Variants in ATF6 observed in about 807,000 individuals in gnomAD.
The protein encoded by ATF6 is activating transcription factor 6.
ATF6 carries 53 observed loss-of-function variants against 83.6 expected under a neutral mutation model. That is an observed-to-expected ratio of 0.63 (90% CI 0.51 to 0.80). ATF6 has a LOEUF of 0.80. ATF6 is among the 30% of genes least tolerant of loss of function. The pLI, the probability that ATF6 is intolerant of heterozygous loss-of-function variation, is 0.00. For missense variants in ATF6, 744 were observed against 797.9 expected (o/e 0.93, Z 0.81); for synonymous variants, 288 against 285.8 (o/e 1.01, Z -0.08).
At chr1:161,819,194 G>A (rs56310275) in intron 7 of ATF6, among the ~76,000 whole-genome samples, 14,732 of 152,170 alleles carry the variant, frequency 0.097, 1,273 homozygotes, top group East Asian at 0.31. Flanking sequence ...GTTAGAGGGA[G>A]ATAGTTCAGT....
intron 9 of ATF6, among the ~76,000 whole-genome samples, chr1:161,824,262 G>A (rs1031495232): frequency 2.6e-5 from 4 of 151,622 alleles, no homozygotes; most frequent in Admixed American, 6.6e-5. Flanking sequence ...TCCCACTGCC[G>A]GCAGTGCCCT....
At chr1:161,934,844 T>A (rs541549160) in intron 15 of ATF6, among the ~76,000 whole-genome samples, 1 of 152,300 alleles carries the variant, frequency 6.6e-6, no homozygotes, top group South Asian at 2.1e-4. Flanking sequence ...ATGACCAACT[T>A]TCACATTGTC....
intron 6 of ATF6, among the ~76,000 whole-genome samples, chr1:161,796,074 A>T (rs1444350527): frequency 6.8e-6 from 1 of 147,646 alleles, no homozygotes; most frequent in African/African-American, 2.5e-5. Flanking sequence ...TTGCCTTGGT[A>T]TTCTTCCATC....
At chr1:161,918,135 G>A (rs1387734926) in intron 15 of ATF6, among the ~76,000 whole-genome samples, 1 of 152,078 alleles carries the variant, frequency 6.6e-6, no homozygotes, top group African/African-American at 2.4e-5. Context: ...ATTGGGAGCA[G>A]TATAACATAA....
At chr1:161,924,222 C>T (rs1052714325) in intron 15 of ATF6, among the ~76,000 whole-genome samples, 16 of 152,244 alleles carry the variant, frequency 1.1e-4, no homozygotes, top group African/African-American at 3.9e-4. Context: ...TGGAGTGTTA[C>T]ATAGGTGTGT....
intron 6 of ATF6, among the ~76,000 whole-genome samples, chr1:161,794,157 G>C (rs186765547): frequency 4.6e-5 from 7 of 152,262 alleles, no homozygotes; most frequent in Non-Finnish European, 1.0e-4. Flanking sequence ...GCCTGCCTCG[G>C]CCTCCCAAAG....
chr1:161,852,593 T>A (rs1686657575), intron 11 of ATF6, among the ~76,000 whole-genome samples: 1 of 152,112 alleles, frequency 6.6e-6, no homozygotes, highest in Non-Finnish European at 1.5e-5. Flanking sequence ...AAATAGGAAA[T>A]ACTTTTTATT....
Position 161,801,682 on chromosome 1 carries a change from A to G in ATF6, c.689-370A>G, listed in dbSNP as rs141923191. Among the ~76,000 whole-genome samples, 510 of 152,332 alleles carry G rather than the reference A, an allele frequency of 3.3e-3. 5 individuals are homozygous for G. Among genetic ancestry groups the G allele is most frequent in the South Asian group, 0.028 (136 of 4,828 alleles). ...TTAGAATACATGACTCTCCATATTC[A>G]GTGTAAAAGATTTGTTATTTATAAT... On this transcript the variant is annotated intron_variant, in intron 6 of 15. Coordinates refer to ENST00000367942, the MANE Select transcript of ATF6 (RefSeq NM_007348.4).
chr1:161,911,705 C>G (rs1282583376), intron 14 of ATF6, among the ~76,000 whole-genome samples: 1 of 152,232 alleles, frequency 6.6e-6, no homozygotes, highest in Admixed American at 6.5e-5. Flanking sequence ...AGGCAAGGCT[C>G]TAGGCCTTGG....
chr1:161,949,150 AG>A (rs2101917077), intron 15 of ATF6, among the ~76,000 whole-genome samples: 1 of 152,334 alleles, frequency 6.6e-6, no homozygotes, highest in South Asian at 2.1e-4. Flanking sequence ...TGAGTTTAGC[AG>A]AGGAGATCAC....
Position 161,853,332 on chromosome 1 carries a change from C to A in ATF6, c.1533+9C>A, listed in dbSNP as rs1393540678. The A allele has an allele frequency of 6.2e-7, 1 of 1,603,146 alleles. No individual in the cohort carries two copies. Among genetic ancestry groups the A allele is most frequent in the East Asian group, 2.2e-5 (1 of 44,706 alleles). On this transcript the variant is annotated intron_variant, in intron 12 of 15. Transcript: ENST00000367942. ...AAACCCGTATTCTTCAGGTATGTTT[C>A]TGTTTGTCTTTGAACAATAGTTGGC...
intron 14 of ATF6, among the ~76,000 whole-genome samples, chr1:161,910,401 ATTC>A (rs1238459116): frequency 1.3e-5 from 2 of 152,160 alleles, no homozygotes; most frequent in South Asian, 2.1e-4. Flanking sequence ...GCAAGATATG[ATTC>A]TTCTTTTTCA....
At chr1:161,854,937 A>C (rs2101830144) in intron 12 of ATF6, among the ~76,000 whole-genome samples, 1 of 152,238 alleles carries the variant, frequency 6.6e-6, no homozygotes. Flanking sequence ...CAGCAAATGT[A>C]AAGACCCTCA....
chr1:161,890,050 T>A (rs1687514450), intron 14 of ATF6, among the ~76,000 whole-genome samples: 1 of 152,228 alleles, frequency 6.6e-6, no homozygotes. Context: ...TTGTGAACTC[T>A]CTGAGAACAG....
At chr1:161,885,354 T>TA (rs1687399120) in intron 14 of ATF6, among the ~76,000 whole-genome samples, 1 of 152,148 alleles carries the variant, frequency 6.6e-6, no homozygotes. Context: ...CACAAACATG[T>TA]AGTACTGCGT....
At chr1:161,774,406 T>C (rs1684467972) in intron 1 of ATF6, among the ~76,000 whole-genome samples, 1 of 148,426 alleles carries the variant, frequency 6.7e-6, no homozygotes, top group Non-Finnish European at 1.5e-5. Flanking sequence ...TATGGATATG[T>C]ACACACACAC....
At chr1:161,892,769 C>A (rs971730332) in intron 14 of ATF6, among the ~76,000 whole-genome samples, 3 of 151,560 alleles carry the variant, frequency 2.0e-5, no homozygotes, top group Non-Finnish European at 4.4e-5. Context: ...TCCTTAGTAC[C>A]TGGGACTACA....
Position 161,819,926 on chromosome 1 carries a change from A to T in ATF6, c.1095+108A>T, listed in dbSNP as rs1557977832. 1.4e-5 allele frequency: 15 copies of T among 1,063,354 alleles called. No homozygotes were observed. The East Asian group carries it at 4.3e-4, about 31-fold the overall frequency. The allele number at this position is 1,063,354 out of a possible 1,614,324, so 65.9% of individuals were successfully genotyped here. On this transcript the variant is annotated intron_variant, in intron 8 of 15. Transcript: ENST00000367942. ...TTAAATTATGTAAAATAATAGTGCT[A>T]GGAAAAGGAGGGTATAATAAGTCCT...
intron 15 of ATF6, among the ~76,000 whole-genome samples, chr1:161,937,837 T>A (rs1688568899): frequency 1.1e-4 from 17 of 151,772 alleles, no homozygotes; most frequent in Admixed American, 1.1e-3. Context: ...CATGTATACC[T>A]ATGTAACAAA....
Sources: allele counts gnomAD v4.1 joint callset (sites outside exome capture counted in the v4.1 genomes callset), GRCh38; gene constraint gnomAD v4.1.1; transcripts MANE v1.5; gene names NCBI Gene and HGNC (gene_info 2026-07-23, HGNC 2026-07-21).